Variants in HYDIN observed in about 807,000 individuals in gnomAD.
HYDIN encodes the protein HYDIN axonemal central pair apparatus protein.
A neutral mutation model predicts 403.9 loss-of-function variants in HYDIN; 132 were observed. That is an observed-to-expected ratio of 0.33 (90% CI 0.28 to 0.38). The LOEUF (loss-of-function observed/expected upper bound fraction) is 0.38. Ranked by LOEUF, HYDIN falls within the 10% of genes least tolerant of loss-of-function variation. HYDIN has a pLI of 1.00. For synonymous variants in HYDIN, 1,202 were observed against 1,891.7 expected, an observed-to-expected ratio of 0.64 and a Z score of 9.46; for missense variants, 2,827 against 5,009.5, an observed-to-expected ratio of 0.56 and a Z score of 13.15.
In HYDIN at chr16:70,863,160, G is replaced by A. The variant is rs201571332; in HGVS notation, c.11494C>T (p.Arg3832Cys). 7.2e-4 allele frequency: 1,154 copies of A among 1,613,722 alleles called. 11 individuals are homozygous for A. The highest frequency in any genetic ancestry group is 5.3e-4 in the Non-Finnish European group (630 of 1,179,882). ...VFEFDVINSGRVQLEFSWVSE... is the reference protein window; with the variant it reads ...VFEFDVINSGCVQLEFSWVSE... ...ACCCAGCTGAATTCCAGCTGGACAC[G>A]TCCTGAATTAATCACATCGAACCTG... Residue 3832 changes from arginine to cysteine, a missense_variant, in exon 68 of 86, where the codon CGT becomes TGT. By Grantham distance (180) the Arg-to-Cys change is radical (BLOSUM62 -3). Transcript: ENST00000393567.
chr16:70,921,350 A>C lies in HYDIN; in HGVS notation c.7159-133T>G, dbSNP rs566682443. 1.9e-5 allele frequency: 14 copies of C among 738,258 alleles called. No homozygotes were observed. The East Asian group carries it at 3.4e-4, about 18-fold the overall frequency. The allele number at this position is 738,258 out of a possible 1,614,324, so 45.7% of individuals were successfully genotyped here. A position where few individuals can be genotyped will look rare whatever the true frequency, so the allele number is the denominator to read the frequency against. ...ATCTGGGCACCTCCCCTGCACGCTA[A>C]GGTTGTGCCTGGGAATCATCTTGGG... On this transcript the variant is annotated intron_variant, in intron 45 of 85. Coordinates refer to ENST00000393567, the MANE Select transcript of HYDIN (RefSeq NM_001270974.2).
At chr16:70,876,011 T>C (rs2795804) in intron 62 of HYDIN, among the ~76,000 whole-genome samples, 5 of 148,568 alleles carry the variant, frequency 3.4e-5, no homozygotes, top group African/African-American at 1.3e-4. Context: ...TAAATATATA[T>C]AAAAAAATTT....
rs867623181 is a variant in HYDIN at position 71,226,413 on chromosome 16, G to A, written c.-24+4149C>T. Reference sequence around the variant, plus strand: ...AAAAACACCTCAACTCTTGCCTGACGTCATACATAAAAATTAACTCAAAAC... The same window carrying A: ...AAAAACACCTCAACTCTTGCCTGACATCATACATAAAAATTAACTCAAAAC... On this transcript the variant is annotated intron_variant, in intron 1 of 85. Coordinates refer to ENST00000393567, the MANE Select transcript of HYDIN (RefSeq NM_001270974.2). Among the ~76,000 whole-genome samples, 5 of 152,050 alleles carry A rather than the reference G, an allele frequency of 3.3e-5. No individual in the cohort carries two copies. The East Asian group carries it at 7.7e-4, about 23-fold the overall frequency.
intron 45 of HYDIN, among the ~76,000 whole-genome samples, chr16:70,931,223 T>G (rs1290945515): frequency 7.7e-6 from 1 of 130,452 alleles, no homozygotes; most frequent in Non-Finnish European, 1.7e-5. Context: ...TTTTTTTTTT[T>G]TTTTTTTTTT....
intron 1 of HYDIN, among the ~76,000 whole-genome samples, chr16:71,200,144 A>G (rs538805732): frequency 1.3e-5 from 2 of 152,354 alleles, no homozygotes; most frequent in African/African-American, 4.8e-5. Context: ...AAGTTACCGT[A>G]TATGGTCTAA....
intron 44 of HYDIN, among the ~76,000 whole-genome samples, chr16:70,938,389 C>T (rs1284135133): frequency 6.6e-6 from 1 of 152,236 alleles, no homozygotes; most frequent in Non-Finnish European, 1.5e-5. Flanking sequence ...CAAATGCCCG[C>T]CAGTGAGAAA....
chr16:71,198,080 C>G (rs1263732745), intron 1 of HYDIN, among the ~76,000 whole-genome samples: 3 of 152,186 alleles, frequency 2.0e-5, no homozygotes, highest in East Asian at 1.9e-4. Context: ...AGCATGCATC[C>G]CTTAACATTA....
chr16:70,936,685 C>A (rs548691900), intron 44 of HYDIN, among the ~76,000 whole-genome samples: 1 of 151,544 alleles, frequency 6.6e-6, no homozygotes, highest in East Asian at 2.0e-4. Flanking sequence ...AGGTGTGCAC[C>A]AACATGCCCG....
chr16:70,945,368 C>T (rs909574618), intron 41 of HYDIN, among the ~76,000 whole-genome samples: 4 of 152,090 alleles, frequency 2.6e-5, no homozygotes, highest in African/African-American at 9.7e-5. Flanking sequence ...TTTTGGGGAG[C>T]AGTGGAAGCA....
intron 6 of HYDIN, among the ~76,000 whole-genome samples, chr16:71,157,089 T>C (rs1461831849): frequency 6.7e-6 from 1 of 148,908 alleles, no homozygotes; most frequent in Admixed American, 6.7e-5. Flanking sequence ...GTTTATTTAT[T>C]CTAGACAGAT....
chr16:71,025,795 T>C (rs1408354645), intron 20 of HYDIN, among the ~76,000 whole-genome samples: 1 of 151,520 alleles, frequency 6.6e-6, no homozygotes, highest in Non-Finnish European at 1.5e-5. Context: ...AGTAAAAACA[T>C]TGATGAACAA....
At position 70,974,804 on chromosome 16, in the gene HYDIN, C is replaced by T. The variant is rs1439913934; in HGVS notation, c.4773-134G>A. ...CTCCAGAGTGGAGAACAACAAATGG[C>T]TACCCAAATGGAGACTAGAAACAAC... On this transcript the variant is annotated intron_variant, in intron 31 of 85. Transcript: ENST00000393567. 22 of 740,518 alleles carry T rather than the reference C, an allele frequency of 3.0e-5. No homozygotes were observed. In the Admixed American group the frequency reaches 4.5e-4, roughly 15 times the overall value. The allele number at this position is 740,518 out of a possible 1,614,324, so 45.9% of individuals were successfully genotyped here.
chr16:71,003,630 T>A (rs1211690046), intron 23 of HYDIN, among the ~76,000 whole-genome samples: 1 of 151,734 alleles, frequency 6.6e-6, no homozygotes. Context: ...TAAAACCCTG[T>A]CTCTATTAAA....
intron 3 of HYDIN, among the ~76,000 whole-genome samples, chr16:71,182,444 A>G (rs1397744827): frequency 6.6e-6 from 1 of 152,116 alleles, no homozygotes; most frequent in African/African-American, 2.4e-5. Flanking sequence ...CAGTATGATT[A>G]AAGACACATT....
intron 16 of HYDIN, among the ~76,000 whole-genome samples, chr16:71,064,015 T>A (rs2082175602): frequency 7.9e-6 from 1 of 125,848 alleles, no homozygotes; most frequent in East Asian, 2.0e-4. Context: ...ATTGATCTTG[T>A]AGCCAAATAA....
At chr16:71,032,599 T>TCTA (rs2080954659) in intron 18 of HYDIN, among the ~76,000 whole-genome samples, 1 of 129,164 alleles carries the variant, frequency 7.7e-6, no homozygotes, top group Non-Finnish European at 1.7e-5. Context: ...GACAGTGGAG[T>TCTA]CTACTACACA....
At chr16:70,938,085 T>A (rs987823410) in intron 44 of HYDIN, among the ~76,000 whole-genome samples, 2 of 152,228 alleles carry the variant, frequency 1.3e-5, no homozygotes, top group Admixed American at 6.5e-5. Context: ...CTGCCCAGGC[T>A]GAGGATCCCA....
chr16:71,220,540 T>C (rs1429692363), intron 1 of HYDIN, among the ~76,000 whole-genome samples: 1 of 152,236 alleles, frequency 6.6e-6, no homozygotes, highest in Non-Finnish European at 1.5e-5. Flanking sequence ...AAGTCACTAG[T>C]CTGCATGTAT....
At chr16:71,194,500 A>C (rs572692898) in intron 1 of HYDIN, among the ~76,000 whole-genome samples, 8 of 152,338 alleles carry the variant, frequency 5.3e-5, no homozygotes, top group Middle Eastern at 3.4e-3. Flanking sequence ...TTCCATTAAG[A>C]CCAAAGGCTT....
Sources: allele counts gnomAD v4.1 joint callset (sites outside exome capture counted in the v4.1 genomes callset), GRCh38; gene constraint gnomAD v4.1.1; transcripts MANE v1.5; gene names NCBI Gene and HGNC (gene_info 2026-07-23, HGNC 2026-07-21).